Variants in M1AP observed in about 807,000 individuals in gnomAD.
M1AP encodes the protein meiosis 1 associated protein.
In M1AP, 39 loss-of-function variants were observed where a neutral mutation model predicts 51.2. That is an observed-to-expected ratio of 0.76 (90% CI 0.59 to 1.00). The LOEUF is 1.00. M1AP is among the 50% of genes least tolerant of loss of function. The pLI is 0.00. For missense variants in M1AP, 545 were observed against 641.2 expected (o/e 0.85, Z 1.62); for synonymous variants, 251 against 249.2 (o/e 1.01, Z -0.07).
In M1AP at chr2:74,648,250, C is replaced by A; in HGVS notation, c.-53+15G>T. On this transcript the variant is annotated intron_variant, in intron 1 of 10. Coordinates refer to ENST00000421985, the MANE Select transcript of M1AP (RefSeq NM_001321739.2). ...CTCGGGCTGCCCTCCCTCCCCGAGGCGTGGAGAACCGTACCTGTCTTCGGA... is the reference window on the plus strand; with the variant it reads ...CTCGGGCTGCCCTCCCTCCCCGAGGAGTGGAGAACCGTACCTGTCTTCGGA... 1.0e-6 allele frequency: 1 copy of A among 983,392 alleles called. No homozygotes were observed. The highest frequency in any genetic ancestry group is 1.2e-6 in the Non-Finnish European group (1 of 828,062). The allele number at this position is 983,392 out of a possible 1,614,324, so 60.9% of individuals were successfully genotyped here. A position where few individuals can be genotyped will look rare whatever the true frequency, so the allele number is the denominator to read the frequency against.
chr2:74,596,012 T>A (rs939818634), intron 4 of M1AP, among the ~76,000 whole-genome samples: 2 of 151,934 alleles, frequency 1.3e-5, no homozygotes, highest in African/African-American at 4.8e-5. Context: ...TAAATTAACA[T>A]GAAATTGAAA....
At chr2:74,585,614 T>C (rs1679662159) in intron 4 of M1AP, among the ~76,000 whole-genome samples, 1 of 152,228 alleles carries the variant, frequency 6.6e-6, no homozygotes, top group Non-Finnish European at 1.5e-5. Flanking sequence ...GAAGCAGAAC[T>C]GATTTCTTGA....
chr2:74,635,264 T>C (rs893700545), intron 2 of M1AP, among the ~76,000 whole-genome samples: 1 of 152,124 alleles, frequency 6.6e-6, no homozygotes, highest in Admixed American at 6.5e-5. Flanking sequence ...TAGATTTACG[T>C]ATGTAAAGGT....
intron 1 of M1AP, chr2:74,647,900 C>T: frequency 1.8e-6 from 1 of 554,334 alleles, no homozygotes; most frequent in Non-Finnish European, 2.3e-6. Context: ...GTCTCAAAAA[C>T]AAAGCAAAAC....
chr2:74,637,899 T>G (rs936010892), intron 2 of M1AP, among the ~76,000 whole-genome samples: 1 of 152,170 alleles, frequency 6.6e-6, no homozygotes, highest in Non-Finnish European at 1.5e-5. Context: ...TATAGAGTTC[T>G]GTATGTAGCT....
chr2:74,587,489 C>T (rs970725608), intron 4 of M1AP, among the ~76,000 whole-genome samples: 9 of 152,198 alleles, frequency 5.9e-5, no homozygotes, highest in African/African-American at 2.2e-4. Flanking sequence ...TGAGCTACCA[C>T]GCCTGGCCAT....
intron 3 of M1AP, 26 bp downstream of exon 3, chr2:74,614,938 G>A: frequency 6.2e-7 from 1 of 1,604,938 alleles, no homozygotes; most frequent in Non-Finnish European, 8.5e-7. Context: ...ACACAGCTTG[G>A]AGTCCTAAAG....
At chr2:74,614,423 G>C (rs1681545409) in intron 3 of M1AP, among the ~76,000 whole-genome samples, 2 of 152,162 alleles carry the variant, frequency 1.3e-5, no homozygotes, top group African/African-American at 4.8e-5. Flanking sequence ...GGTTACAAGA[G>C]ACCGAAACTG....
intron 3 of M1AP, among the ~76,000 whole-genome samples, chr2:74,610,580 T>G (rs1288690891): frequency 6.6e-6 from 1 of 152,136 alleles, no homozygotes. Flanking sequence ...TCCTGGGTAG[T>G]TGGAACTACA....
At chr2:74,564,612 T>A (rs114149023) in intron 7 of M1AP, among the ~76,000 whole-genome samples, 2,204 of 152,354 alleles carry the variant, frequency 0.014, 61 homozygotes, top group African/African-American at 0.05. Context: ...TATCTAGAGA[T>A]GTGCTGTCTT....
chr2:74,602,556 T>C (rs1430839244), intron 4 of M1AP, among the ~76,000 whole-genome samples: 1 of 152,196 alleles, frequency 6.6e-6, no homozygotes, highest in Non-Finnish European at 1.5e-5. Flanking sequence ...TAGAAAGTTA[T>C]AGAAACTGCA....
At chr2:74,573,598 C>T (rs186261662) in intron 7 of M1AP, among the ~76,000 whole-genome samples, 2 of 152,194 alleles carry the variant, frequency 1.3e-5, no homozygotes, top group East Asian at 1.9e-4. Context: ...AGTGATCCAC[C>T]TGCCTTGGGC....
intron 8 of M1AP, among the ~76,000 whole-genome samples, chr2:74,561,062 GGGAGGAGGAGGAGGAGGAGGA>G (rs1208357090): frequency 5.3e-5 from 3 of 56,810 alleles, no homozygotes; most frequent in African/African-American, 8.1e-5. Flanking sequence ...GGAGGAGGAG[GGGAGGAGGAGGAGGAGGAGGA>G]GGAGGAGAAG....
At position 74,562,256 on chromosome 2, in the gene M1AP, T is replaced by G. The variant is rs1678067937; in HGVS notation, c.1242A>C (p.Leu414=). 1 of 1,613,946 alleles carries G rather than the reference T, an allele frequency of 6.2e-7. No individual in the cohort carries two copies. The highest frequency in any genetic ancestry group is 8.5e-7 in the Non-Finnish European group (1 of 1,179,872). Residue 414 remains leucine (L), a synonymous_variant, in exon 8 of 11, where the codon CTA becomes CTC. Transcript: ENST00000421985. The part of the protein sequence containing the change: ...ELMLPSTFPL[L]PEDPHDDSLK... Reference sequence around the variant, plus strand: ...GGCTATCATCATGTGGGTCCTCAGGTAGCAGGGGGAAGGTGCTGGGCAGCA... The same window carrying G: ...GGCTATCATCATGTGGGTCCTCAGGGAGCAGGGGGAAGGTGCTGGGCAGCA...
intron 2 of M1AP, among the ~76,000 whole-genome samples, chr2:74,638,769 T>C (rs1469241420): frequency 6.6e-6 from 1 of 152,190 alleles, no homozygotes; most frequent in African/African-American, 2.4e-5. Context: ...TACAATCTCA[T>C]GAGGGACCCC....
intron 5 of M1AP, 184 bp from the exon 6 acceptor site, chr2:74,576,802 G>A: frequency 7.8e-7 from 1 of 1,280,586 alleles, no homozygotes; most frequent in Non-Finnish European, 1.0e-6. Flanking sequence ...GTTTGGAAAG[G>A]GAGAACAGGT....
chr2:74,605,016 G>A (rs1386060884), intron 4 of M1AP, among the ~76,000 whole-genome samples: 1 of 151,896 alleles, frequency 6.6e-6, no homozygotes, highest in East Asian at 1.9e-4. Flanking sequence ...AGACCAGCCT[G>A]GCTAACATGG....
At chr2:74,566,431 T>C (rs1383553291) in intron 7 of M1AP, among the ~76,000 whole-genome samples, 3 of 151,978 alleles carry the variant, frequency 2.0e-5, no homozygotes, top group Admixed American at 6.6e-5. Flanking sequence ...ATTTGTCAGG[T>C]AGACAGAGGC....
At chr2:74,585,377 C>G (rs1249162857) in intron 4 of M1AP, among the ~76,000 whole-genome samples, 1 of 152,158 alleles carries the variant, frequency 6.6e-6, no homozygotes, top group Non-Finnish European at 1.5e-5. Context: ...TCTGGCTTAT[C>G]CTTTAGTCTT....
Sources: allele counts gnomAD v4.1 joint callset (sites outside exome capture counted in the v4.1 genomes callset), GRCh38; gene constraint gnomAD v4.1.1; transcripts MANE v1.5; gene names NCBI Gene and HGNC (gene_info 2026-07-23, HGNC 2026-07-21).